The following FRAS1 variants were observed in gnomAD, a reference collection of about 807,000 sequenced individuals.
FRAS1 encodes the protein extracellular matrix organizing protein FRAS1.
FRAS1 carries 290 observed loss-of-function variants against 435.2 expected under a neutral mutation model. The ratio of observed to expected loss-of-function variants is 0.67; its 90% CI spans 0.61 to 0.73. FRAS1 has a LOEUF of 0.73. FRAS1 is among the 30% of genes least tolerant of loss of function. The pLI is 0.00. For missense variants in FRAS1, 4,860 were observed against 5,001.5 expected (o/e 0.97, Z 0.85); for synonymous variants, 1,800 against 1,851.0 (o/e 0.97, Z 0.71).
chr4:78,335,610 C>T (rs141153968), intron 19 of FRAS1, among the ~76,000 whole-genome samples: 1 of 152,316 alleles, frequency 6.6e-6, no homozygotes, highest in African/African-American at 2.4e-5. Flanking sequence ...TTATCTTCAT[C>T]ATGGAGACAA....
chr4:78,244,557 T>A (rs146205541), intron 3 of FRAS1, among the ~76,000 whole-genome samples: 181 of 152,204 alleles, frequency 1.2e-3, no homozygotes, highest in African/African-American at 4.3e-3. Context: ...TTTACAGTGG[T>A]GATTGGATGG....
intron 2 of FRAS1, among the ~76,000 whole-genome samples, chr4:78,099,590 T>C (rs930304533): frequency 1.3e-5 from 2 of 152,232 alleles, no homozygotes; most frequent in Non-Finnish European, 2.9e-5. Context: ...GCTTCACACT[T>C]ATCCATTCAT....
intron 16 of FRAS1, among the ~76,000 whole-genome samples, chr4:78,317,160 T>G (rs542323636): frequency 6.6e-6 from 1 of 152,212 alleles, no homozygotes; most frequent in Non-Finnish European, 1.5e-5. Context: ...GGGTAGCTAA[T>G]AAGCAATATG....
At chr4:78,521,814 A>G (rs1044254802) in intron 68 of FRAS1, among the ~76,000 whole-genome samples, 184 bp downstream of exon 68, 4 of 152,222 alleles carry the variant, frequency 2.6e-5, no homozygotes, top group African/African-American at 9.6e-5. Flanking sequence ...AACAAGTTGC[A>G]GACTTCGTGT....
At chr4:78,494,629 C>T (rs1238953399) in intron 59 of FRAS1, among the ~76,000 whole-genome samples, 2 of 152,080 alleles carry the variant, frequency 1.3e-5, no homozygotes, top group African/African-American at 2.4e-5. Flanking sequence ...TCCACCAGGC[C>T]CCACTTCCAA....
chr4:78,276,814 C>T (rs779855399), intron 9 of FRAS1, among the ~76,000 whole-genome samples: 1 of 152,214 alleles, frequency 6.6e-6, no homozygotes, highest in Non-Finnish European at 1.5e-5. Context: ...AAATTCTGTG[C>T]TTGGAGGACC....
At chr4:78,170,540 C>T (rs1029949530) in intron 2 of FRAS1, among the ~76,000 whole-genome samples, 3 of 152,052 alleles carry the variant, frequency 2.0e-5, no homozygotes, top group Admixed American at 2.0e-4. Context: ...TAGATGAGAT[C>T]TGCATCTCTC....
Position 78,429,296 on chromosome 4 carries a change from T to C in FRAS1, c.4843+70T>C. ...TCATATTGCTGCCCCTCTTCAAACC[T>C]CTTGATGGTTGCCAAAAAAGCAAAC... is the stretch of plus-strand genomic sequence containing the variant. On this transcript the variant is annotated intron_variant, in intron 36 of 73. Coordinates refer to ENST00000512123, the MANE Select transcript of FRAS1 (RefSeq NM_025074.7). 8 of 1,496,444 alleles carry C rather than the reference T, an allele frequency of 5.3e-6. No homozygotes were observed. In the South Asian group the frequency reaches 9.4e-5, roughly 18 times the overall value. The allele number at this position is 1,496,444 out of a possible 1,614,324, so 92.7% of individuals were successfully genotyped here.
chr4:78,447,363 T>C (rs1483484458), intron 43 of FRAS1, among the ~76,000 whole-genome samples: 2 of 150,632 alleles, frequency 1.3e-5, no homozygotes, highest in Admixed American at 6.7e-5. Flanking sequence ...TACCTACTTC[T>C]TTTTTTTAAG....
chr4:78,174,918 A>T (rs1207479314), intron 2 of FRAS1, among the ~76,000 whole-genome samples: 1 of 152,254 alleles, frequency 6.6e-6, no homozygotes, highest in Non-Finnish European at 1.5e-5. Context: ...TTCTAGCAGC[A>T]TCAGAATAAT....
intron 2 of FRAS1, among the ~76,000 whole-genome samples, chr4:78,224,732 A>C (rs548918636): frequency 2.6e-5 from 4 of 152,060 alleles, no homozygotes; most frequent in African/African-American, 9.6e-5. Context: ...GGGTCTCACT[A>C]TGTTGCCCAG....
chr4:78,380,066 C>G (rs1731954042), intron 27 of FRAS1, 70 bp downstream of exon 27: 1 of 1,523,152 alleles, frequency 6.6e-7, no homozygotes, highest in Admixed American at 2.0e-5. Context: ...TCCACCCTGT[C>G]CCAGCCTCTC....
chr4:78,359,307 A>G (rs1730984016), intron 20 of FRAS1, among the ~76,000 whole-genome samples: 1 of 152,060 alleles, frequency 6.6e-6, no homozygotes, highest in South Asian at 2.1e-4. Context: ...AAGTCAGAAC[A>G]TTGGTATTAA....
At chr4:78,326,174 A>G (rs954884216) in intron 18 of FRAS1, among the ~76,000 whole-genome samples, 6 of 152,202 alleles carry the variant, frequency 3.9e-5, no homozygotes, top group African/African-American at 1.2e-4. Flanking sequence ...GATGTGTGGC[A>G]GATAAATAGG....
chr4:78,090,998 A>G (rs1741486545), intron 2 of FRAS1, among the ~76,000 whole-genome samples: 1 of 152,194 alleles, frequency 6.6e-6, no homozygotes, highest in African/African-American at 2.4e-5. Flanking sequence ...CATTGTTAAA[A>G]ATAATTGAAT....
At chr4:78,263,868 A>C (rs1367460930) in intron 6 of FRAS1, among the ~76,000 whole-genome samples, 2 of 152,238 alleles carry the variant, frequency 1.3e-5, no homozygotes, top group African/African-American at 2.4e-5. Context: ...CATGAATACA[A>C]CTGATCATAT....
intron 2 of FRAS1, among the ~76,000 whole-genome samples, chr4:78,143,903 C>CA (rs60130624): frequency 4.1e-3 from 322 of 77,786 alleles, no homozygotes; most frequent in Middle Eastern, 9.4e-3. Flanking sequence ...GACCCTGTCT[C>CA]AAAAAAAAAA....
At chr4:78,065,757 G>C (rs1293886707) in intron 1 of FRAS1, among the ~76,000 whole-genome samples, 1 of 152,152 alleles carries the variant, frequency 6.6e-6, no homozygotes, top group Non-Finnish European at 1.5e-5. Context: ...TAAAATTCAA[G>C]TCATAAGTTT....
chr4:78,473,398 C>T, intron 52 of FRAS1, 40 bp from the exon 53 acceptor site: 18 of 1,563,332 alleles, frequency 1.2e-5, no homozygotes, highest in Non-Finnish European at 1.6e-5. Flanking sequence ...GCTGTCGTTA[C>T]ATCCCTGGGT....
Sources: allele counts gnomAD v4.1 joint callset (sites outside exome capture counted in the v4.1 genomes callset), GRCh38; gene constraint gnomAD v4.1.1; transcripts MANE v1.5; gene names NCBI Gene and HGNC (gene_info 2026-07-23, HGNC 2026-07-21).